RABL2B: variants seen among roughly 807,000 people sequenced by gnomAD.
RABL2B encodes rab-like protein 2B.
In RABL2B, 17 loss-of-function variants were observed where a neutral mutation model predicts 26.7. The ratio of observed to expected loss-of-function variants is 0.64; its 90% CI spans 0.44 to 0.95. The LOEUF (loss-of-function observed/expected upper bound fraction) is 0.95, where lower values mean the gene tolerates loss of function less well. Ranked by LOEUF, RABL2B falls within the 40% of genes least tolerant of loss-of-function variation. RABL2B has a pLI of 0.00. For synonymous variants in RABL2B, 70 were observed against 103.9 expected (o/e 0.67, Z 1.99); for missense variants, 170 against 277.2 (o/e 0.61, Z 2.75).
chr22:50,780,555 A>T (rs1399918642), intron 2 of RABL2B: 13 of 400,564 alleles, frequency 3.2e-5, no homozygotes, highest in Non-Finnish European at 6.7e-5. Context: ...GACACTGAAA[A>T]TTGGCAGTAA....
At chr22:50,770,086 C>A in intron 5 of RABL2B, 70 bp from the exon 6 acceptor site, 6 of 1,600,748 alleles carry the variant, frequency 3.7e-6, no homozygotes, top group Non-Finnish European at 5.1e-6. Context: ...CCAGGTGACT[C>A]ACACACCCAA....
chr22:50,772,289 A>G (rs1603449515), intron 5 of RABL2B: 6 of 980,918 alleles, frequency 6.1e-6, no homozygotes, highest in Non-Finnish European at 7.3e-6. Flanking sequence ...TAGGCCTCCC[A>G]AAGTACTGGG....
chr22:50,774,061 AT>A, intron 5 of RABL2B, among the ~76,000 whole-genome samples: 1 of 151,924 alleles, frequency 6.6e-6, no homozygotes, highest in Non-Finnish European at 1.5e-5. Flanking sequence ...CGCCCGGCTA[AT>A]TTTTTTGTAT....
In RABL2B at chr22:50,775,794, T is replaced by C; in HGVS notation, c.275A>G (p.His92Arg). The C allele has an allele frequency of 6.2e-7, 1 of 1,614,174 alleles. No homozygotes were observed. The highest frequency in any genetic ancestry group is 8.5e-7 in the Non-Finnish European group (1 of 1,180,010). The stretch of plus-strand genomic sequence containing the variant: ...TACCATGATGCAGGCGTGGGCCTTG[T>C]GGTAGTAGGAGGCATGCATGCTCTG... ...RFQSMHASYY[H>R]KAHACIMVFD... The change falls in exon 5 of 9, where the codon CAC becomes CGC. Residue 92 changes from histidine to arginine, a missense_variant. Transcript: ENST00000691320.
chr22:50,771,357 A>C (rs1407870946), intron 5 of RABL2B: 1 of 145,402 alleles, frequency 6.9e-6, no homozygotes. Flanking sequence ...TGCCACTGCA[A>C]CCTCCACTTC....
At chr22:50,769,014 C>T in intron 8 of RABL2B, 27 bp downstream of exon 8, 2 of 1,355,514 alleles carry the variant, frequency 1.5e-6, no homozygotes, top group Non-Finnish European at 2.0e-6. Flanking sequence ...TTTCTTCCAT[C>T]CCACCCGAAA....
chr22:50,777,109 C>A (rs1365075139), intron 3 of RABL2B, among the ~76,000 whole-genome samples: 2 of 152,174 alleles, frequency 1.3e-5, no homozygotes, highest in Non-Finnish European at 2.9e-5. Context: ...AGAAAGGAAA[C>A]CCTAACCCTA....
At chr22:50,774,116 C>T (rs1279234077) in intron 5 of RABL2B, among the ~76,000 whole-genome samples, 13 of 152,144 alleles carry the variant, frequency 8.5e-5, no homozygotes, top group Non-Finnish European at 1.5e-4. Flanking sequence ...AGGATGGTCT[C>T]GATCTCCTAA....
At chr22:50,778,084 C>T (rs1465073232) in intron 2 of RABL2B, 103 bp from the exon 3 acceptor site, 2 of 1,521,254 alleles carry the variant, frequency 1.3e-6, no homozygotes, top group Non-Finnish European at 1.8e-6. Flanking sequence ...CCTGTGGCTT[C>T]CCTTCCCCCT....
intron 5 of RABL2B, among the ~76,000 whole-genome samples, chr22:50,774,142 G>A (rs1436671229): frequency 1.3e-5 from 2 of 152,152 alleles, no homozygotes; most frequent in South Asian, 2.1e-4. Context: ...TGATCCGCCC[G>A]CCTCGGCCTC....
chr22:50,769,613 G>C (rs542191500), intron 6 of RABL2B, 61 bp from the exon 7 acceptor site: 27 of 1,610,326 alleles, frequency 1.7e-5, no homozygotes, highest in African/African-American at 2.7e-5. Context: ...GGTTTGGAGG[G>C]GGGGGCCACT....
chr22:50,782,083 C>G, intron 2 of RABL2B, 105 bp downstream of exon 2: 1 of 1,066,708 alleles, frequency 9.4e-7, no homozygotes, highest in Non-Finnish European at 1.4e-6. Flanking sequence ...CAAGACTGCT[C>G]CTTCACCAGC....
At position 50,767,544 on chromosome 22, in the gene RABL2B, C is replaced by A. The variant is rs2595131; in HGVS notation, c.*1232G>T. 2 of 334,274 alleles carry A rather than the reference C, an allele frequency of 6.0e-6. No individual in the cohort carries two copies. Among genetic ancestry groups the A allele is most frequent in the African/African-American group, 4.5e-5 (2 of 44,942 alleles). The allele number at this position is 334,274 out of a possible 1,614,324, so 20.7% of individuals were successfully genotyped here. A position where few individuals can be genotyped will look rare whatever the true frequency, so the allele number is the denominator to read the frequency against. On this transcript the variant is annotated 3_prime_UTR_variant, in exon 9 of 9. Transcript: ENST00000691320. ...GCCTTTACTGTAAAAAAGGAAACAACAAAAACAAAACCCTATTAATAAACA... is the reference window on the plus strand; with the variant it reads ...GCCTTTACTGTAAAAAAGGAAACAAAAAAAACAAAACCCTATTAATAAACA...
chr22:50,781,066 C>T (rs1343215283), intron 2 of RABL2B, among the ~76,000 whole-genome samples: 13 of 152,002 alleles, frequency 8.6e-5, no homozygotes, highest in Admixed American at 1.3e-4. Flanking sequence ...AGAGGCCGGG[C>T]GCGGTGGCTC....
At chr22:50,770,437 AACT>A (rs1405653945) in intron 5 of RABL2B, 6 of 244,788 alleles carry the variant, frequency 2.5e-5, no homozygotes, top group African/African-American at 1.4e-4. Context: ...GAATTGCTTG[AACT>A]AGGGAGACAG....
At chr22:50,772,283 C>T (rs1555919435) in intron 5 of RABL2B, 1 of 974,510 alleles carries the variant, frequency 1.0e-6, no homozygotes, top group Non-Finnish European at 1.2e-6. Flanking sequence ...CCCGCCTAGG[C>T]CTCCCAAAGT....
chr22:50,776,786 G>T, intron 3 of RABL2B, 37 bp from the exon 4 acceptor site: 1 of 1,580,898 alleles, frequency 6.3e-7, no homozygotes, highest in East Asian at 2.3e-5. Context: ...AATAAAAGGG[G>T]AGGTAAGGAA....
chr22:50,779,224 GC>G, intron 2 of RABL2B, among the ~76,000 whole-genome samples: 2 of 151,686 alleles, frequency 1.3e-5, no homozygotes, highest in East Asian at 3.9e-4. Flanking sequence ...GGAAAAAGAG[GC>G]CCCAGAGACT....
At chr22:50,769,574 T>C (rs782159706) in intron 6 of RABL2B, 22 bp from the exon 7 acceptor site, 2 of 1,609,354 alleles carry the variant, frequency 1.2e-6, no homozygotes, top group Admixed American at 1.7e-5. Context: ...AGGTAGGACA[T>C]TGGTCTGTCT....
Sources: gnomAD v4.1 joint callset for allele counts (sites outside exome capture counted in the v4.1 genomes callset) on GRCh38, gnomAD v4.1.1 for gene constraint, MANE v1.5 for transcripts, NCBI Gene and HGNC (gene_info 2026-07-23, HGNC 2026-07-21) for gene names.